The following SLC25A48 variants were observed in gnomAD, a reference collection of about 807,000 sequenced individuals.
SLC25A48 encodes the protein CTC-321K16.1.
A neutral mutation model predicts 32.2 loss-of-function variants in SLC25A48; 29 were observed. The observed-to-expected ratio is 0.90, with a 90% CI of 0.67 to 1.23. The LOEUF (loss-of-function observed/expected upper bound fraction) is 1.23. SLC25A48 is among the 50% of genes most tolerant of loss of function. The probability of loss-of-function intolerance (pLI) is 0.00; values close to 1 mark genes in which losing one functional copy is unlikely to be tolerated. For missense variants in SLC25A48, 399 were observed against 422.7 expected, an observed-to-expected ratio of 0.94 and a Z score of 0.49; for synonymous variants, 164 against 172.3, an observed-to-expected ratio of 0.95 and a Z score of 0.38.
rs1446545599 is a variant in SLC25A48 at position 135,886,646 on chromosome 5, A to ATGTGTGTG, written c.*8-1385_*8-1384insGTGTGTGT. Among the ~76,000 whole-genome samples, 12 of 36,446 alleles carry ATGTGTGTG rather than the reference A, an allele frequency of 3.3e-4. 1 individual carries two copies. Among genetic ancestry groups the ATGTGTGTG allele is most frequent in the Middle Eastern group, 0.01 (1 of 100 alleles). The allele number at this position is 36,446 out of a possible 152,430, so 23.9% of individuals were successfully genotyped here. On this transcript the variant is annotated intron_variant, in intron 7 of 7. Transcript: ENST00000681962. Reference sequence around the variant, plus strand: ...ATATATATATATATATAAAATATATATATGTGTGTGTGTGTGTGTGTGTGT... The same window carrying ATGTGTGTG: ...ATATATATATATATATAAAATATATATGTGTGTGTATGTGTGTGTGTGTGTGTGTGTGT...
At position 135,773,589 on chromosome 5, in the gene SLC25A48, G is replaced by A. The variant is rs144140735; in HGVS notation, c.-520-38934G>A. Among the ~76,000 whole-genome samples the A allele has an allele frequency of 4.0e-5, 6 of 151,496 alleles. 1 individual carries two copies. Among genetic ancestry groups the A allele is most frequent in the South Asian group, 2.1e-4 (1 of 4,794 alleles). ...ATTACGAACCATATATCAGGGAAGA[G>A]TACACCCTTTTAGATATAATGCGAG... On this transcript the variant is annotated intron_variant, in intron 3 of 10. Transcript: ENST00000646290.
intron 3 of SLC25A48, among the ~76,000 whole-genome samples, chr5:135,644,781 T>C (rs1318644953): frequency 1.3e-5 from 2 of 152,154 alleles, no homozygotes; most frequent in African/African-American, 4.8e-5. Flanking sequence ...CTCATCCTCA[T>C]GCCCGGGAGG....
At chr5:135,646,678 T>TATATATATACACAC (rs966073970) in intron 3 of SLC25A48, among the ~76,000 whole-genome samples, 4 of 136,754 alleles carry the variant, frequency 2.9e-5, no homozygotes, top group African/African-American at 1.1e-4. Context: ...TATATATATA[T>TATATATATACACAC]ACAATGGGAA....
chr5:135,798,506 G>T (rs565085197), intron 3 of SLC25A48, among the ~76,000 whole-genome samples: 123 of 151,466 alleles, frequency 8.1e-4, no homozygotes, highest in Non-Finnish European at 1.6e-3. Flanking sequence ...TAATAACCGG[G>T]GGGGAGAGGA....
intron 1 of SLC25A48, among the ~76,000 whole-genome samples, chr5:135,596,345 C>G (rs1751650864): frequency 6.6e-6 from 1 of 152,158 alleles, no homozygotes; most frequent in Non-Finnish European, 1.5e-5. Context: ...TAACTCCCTG[C>G]AAATTATAGT....
intron 3 of SLC25A48, among the ~76,000 whole-genome samples, chr5:135,692,881 C>T (rs958783510): frequency 1.3e-5 from 2 of 152,124 alleles, no homozygotes; most frequent in African/African-American, 2.4e-5. Flanking sequence ...TGCCTGCCTT[C>T]CACTGAGCTG....
intron 3 of SLC25A48, among the ~76,000 whole-genome samples, chr5:135,733,227 C>T (rs747419502): frequency 2.0e-5 from 3 of 152,228 alleles, no homozygotes; most frequent in Non-Finnish European, 4.4e-5. Flanking sequence ...ATAGCATAGC[C>T]TGCCTTTGCC....
intron 3 of SLC25A48, among the ~76,000 whole-genome samples, chr5:135,750,362 A>C (rs775841632): frequency 4.6e-5 from 7 of 152,002 alleles, no homozygotes; most frequent in Non-Finnish European, 1.0e-4. Flanking sequence ...GCTTCATTCG[A>C]CTGGGGGTTG....
intron 3 of SLC25A48, among the ~76,000 whole-genome samples, chr5:135,757,191 A>G (rs905664332): frequency 1.7e-4 from 26 of 150,066 alleles, no homozygotes; most frequent in Admixed American, 1.3e-4. Flanking sequence ...GTGTTAACAC[A>G]TTATATTAAT....
chr5:135,652,347 C>T (rs577786215), intron 3 of SLC25A48: 27 of 455,322 alleles, frequency 5.9e-5, no homozygotes, highest in African/African-American at 4.6e-4. Flanking sequence ...TTCTAGAAAT[C>T]GACTTACCTT....
intron 1 of SLC25A48, among the ~76,000 whole-genome samples, chr5:135,603,011 A>C (rs1244548080): frequency 6.6e-6 from 1 of 152,204 alleles, no homozygotes; most frequent in Non-Finnish European, 1.5e-5. Context: ...ACAGCTGAAA[A>C]GTGCACACCT....
At chr5:135,598,913 T>G (rs1751721993) in intron 1 of SLC25A48, among the ~76,000 whole-genome samples, 1 of 152,178 alleles carries the variant, frequency 6.6e-6, no homozygotes, top group Non-Finnish European at 1.5e-5. Flanking sequence ...GCACAGTTGC[T>G]GTGTCAAAAC....
chr5:135,716,579 T>C (rs948807834), intron 3 of SLC25A48, among the ~76,000 whole-genome samples: 2 of 152,190 alleles, frequency 1.3e-5, no homozygotes, highest in Non-Finnish European at 2.9e-5. Flanking sequence ...CCTCCCTTAG[T>C]AGATGTCTGG....
intron 3 of SLC25A48, chr5:135,650,501 T>C (rs1169713686): frequency 4.4e-6 from 2 of 453,760 alleles, no homozygotes; most frequent in Admixed American, 4.7e-5. Context: ...TGGAGAAGGA[T>C]GACTCCAGGA....
intron 3 of SLC25A48, among the ~76,000 whole-genome samples, chr5:135,762,649 G>A (rs1238139241): frequency 6.6e-6 from 1 of 152,102 alleles, no homozygotes; most frequent in African/African-American, 2.4e-5. Flanking sequence ...TGAAAGAATG[G>A]GAGTGTGAAT....
intron 3 of SLC25A48, among the ~76,000 whole-genome samples, chr5:135,647,466 CTT>C (rs1752990286): frequency 6.6e-6 from 1 of 152,096 alleles, no homozygotes; most frequent in Admixed American, 6.5e-5. Flanking sequence ...TTATCAGTGA[CTT>C]TGCTCTAAAA....
intron 4 of SLC25A48, among the ~76,000 whole-genome samples, chr5:135,863,180 G>A (rs2126777970): frequency 6.6e-6 from 1 of 152,286 alleles, no homozygotes; most frequent in South Asian, 2.1e-4. Context: ...AGACCCCAAA[G>A]TTGGATGACA....
At chr5:135,655,117 C>T (rs1025419164) in intron 3 of SLC25A48, among the ~76,000 whole-genome samples, 4 of 152,068 alleles carry the variant, frequency 2.6e-5, no homozygotes, top group Middle Eastern at 3.4e-3. Flanking sequence ...GGAGACAAAG[C>T]GGGAAGCGAA....
chr5:135,850,461 C>T lies in SLC25A48; in HGVS notation c.127C>T (p.Leu43Phe), dbSNP rs777862005. ...LQAGVGYGNT[L>F]SCIRVVYRRE... ...GGCTGGCGTTGGCTACGGAAACACCCTCAGCTGCATCCGCGTGGTGTACAG... is the reference window on the plus strand; with the variant it reads ...GGCTGGCGTTGGCTACGGAAACACCTTCAGCTGCATCCGCGTGGTGTACAG... Residue 43 changes from leucine (L) to phenylalanine (F), a missense_variant, in exon 3 of 8, where the codon CTC becomes TTC. Leu to Phe is a conservative substitution (Grantham distance 22). Transcript: ENST00000681962. 6.2e-7 allele frequency: 1 copy of T among 1,614,168 alleles called. No individual in the cohort carries two copies. Among genetic ancestry groups the T allele is most frequent in the Non-Finnish European group, 8.5e-7 (1 of 1,180,026 alleles).
Sources: gnomAD v4.1 joint callset for allele counts (sites outside exome capture counted in the v4.1 genomes callset) on GRCh38, gnomAD v4.1.1 for gene constraint, MANE v1.5 for transcripts, NCBI Gene and HGNC (gene_info 2026-07-23, HGNC 2026-07-21) for gene names.